Variants in ATP8B4 observed in about 807,000 individuals in gnomAD.
The protein encoded by ATP8B4 is ATPase phospholipid transporting 8B4 (putative).
Under a neutral mutation model 145.6 loss-of-function variants are expected in ATP8B4, and 133 were observed. The ratio of observed to expected loss-of-function variants is 0.91; its 90% CI spans 0.79 to 1.05. The LOEUF is 1.05. ATP8B4 is among the 50% of genes least tolerant of loss of function. The pLI is 0.00. For missense variants in ATP8B4, 1,458 were observed against 1,425.2 expected (o/e 1.02, Z -0.37); for synonymous variants, 507 against 492.9 (o/e 1.03, Z -0.38).
chr15:49,875,316 G>T (rs190797899), intron 25 of ATP8B4, among the ~76,000 whole-genome samples: 1 of 152,288 alleles, frequency 6.6e-6, no homozygotes, highest in African/African-American at 2.4e-5. Flanking sequence ...CGAGGAACAG[G>T]TCTGAGCCAG....
chr15:50,024,432 T>A (rs533056371), intron 6 of ATP8B4, among the ~76,000 whole-genome samples: 2 of 152,316 alleles, frequency 1.3e-5, no homozygotes, highest in Admixed American at 6.5e-5. Flanking sequence ...GTGCTCCACA[T>A]GTGATTTCTC....
chr15:50,063,092 A>T (rs1210419814), intron 3 of ATP8B4, among the ~76,000 whole-genome samples: 1 of 152,116 alleles, frequency 6.6e-6, no homozygotes, highest in Non-Finnish European at 1.5e-5. Context: ...CTTTAAAAAA[A>T]AAAAAAGCCT....
intron 14 of ATP8B4, among the ~76,000 whole-genome samples, chr15:49,936,622 T>C (rs2041754558): frequency 6.6e-6 from 1 of 152,174 alleles, no homozygotes; most frequent in Non-Finnish European, 1.5e-5. Context: ...GGTATTGATC[T>C]TATTTCATTC....
At chr15:50,083,708 A>G (rs2054707601) in intron 2 of ATP8B4, among the ~76,000 whole-genome samples, 1 of 152,226 alleles carries the variant, frequency 6.6e-6, no homozygotes, top group Non-Finnish European at 1.5e-5. Flanking sequence ...AAGATGCATG[A>G]AGCTATAAAC....
Position 49,879,371 on chromosome 15 carries a change from C to T in ATP8B4, c.2781+5G>A. The T allele has an allele frequency of 6.2e-7, 1 of 1,604,034 alleles. No homozygotes were observed. The highest frequency in any genetic ancestry group is 8.5e-7 in the Non-Finnish European group (1 of 1,174,350). On this transcript the variant is annotated splice_donor_5th_base_variant and intron_variant, in intron 24 of 27. Coordinates refer to ENST00000284509, the MANE Select transcript of ATP8B4 (RefSeq NM_024837.4). ...CTAAGTTATAAAGATGGAAAAAAAA[C>T]ATACCTGGTCAAAAATCCCCATGGC...
chr15:49,869,740 G>A (rs999846366), intron 25 of ATP8B4, among the ~76,000 whole-genome samples: 33 of 152,122 alleles, frequency 2.2e-4, no homozygotes, highest in Admixed American at 1.3e-4. Context: ...TTGGCAACCC[G>A]TCCCCAGGGT....
chr15:50,071,887 G>A (rs2053760498), intron 3 of ATP8B4, among the ~76,000 whole-genome samples: 1 of 152,154 alleles, frequency 6.6e-6, no homozygotes, highest in Admixed American at 6.5e-5. Flanking sequence ...GTTCTACAAT[G>A]AGAAATCTGT....
intron 12 of ATP8B4, among the ~76,000 whole-genome samples, chr15:49,974,531 CTT>C (rs1183779075): frequency 6.6e-6 from 1 of 151,802 alleles, no homozygotes; most frequent in East Asian, 1.9e-4. Flanking sequence ...GGCTGATTGT[CTT>C]TTCATTTTGT....
intron 1 of ATP8B4, among the ~76,000 whole-genome samples, chr15:50,160,982 A>G (rs1022539094): frequency 8.5e-5 from 13 of 152,238 alleles, no homozygotes; most frequent in Middle Eastern, 3.4e-3. Flanking sequence ...GAAGTCTCCA[A>G]CTATGATTGT....
At chr15:50,165,538 T>G (rs6493413) in intron 1 of ATP8B4, among the ~76,000 whole-genome samples, 1 of 151,684 alleles carries the variant, frequency 6.6e-6, no homozygotes, top group Admixed American at 6.6e-5. Flanking sequence ...CTCCTCCCCC[T>G]AAATAAAAAA....
chr15:50,093,740 A>G (rs1306555349), intron 2 of ATP8B4, among the ~76,000 whole-genome samples: 3 of 152,144 alleles, frequency 2.0e-5, no homozygotes, highest in African/African-American at 7.2e-5. Context: ...TTAAAACTCT[A>G]TATGCAGCAT....
At chr15:50,036,071 C>T (rs536872769) in intron 6 of ATP8B4, among the ~76,000 whole-genome samples, 2 of 152,312 alleles carry the variant, frequency 1.3e-5, no homozygotes, top group East Asian at 3.9e-4. Context: ...AATATTTTCT[C>T]TTAATATTGC....
In ATP8B4 at chr15:49,895,285, G is replaced by C. The variant is rs1376709469; in HGVS notation, c.2697+2007C>G. 2.0e-5 allele frequency: 3 copies of C among 152,258 alleles called. No homozygotes were observed. The East Asian group carries it at 5.8e-4, about 29-fold the overall frequency. The allele number at this position is 152,258 out of a possible 1,614,324, so 9.4% of individuals were successfully genotyped here. A position where few individuals can be genotyped will look rare whatever the true frequency, so the allele number is the denominator to read the frequency against. The stretch of plus-strand genomic sequence containing the variant: ...AAGCAGAACTTGGGATACTCTTCTA[G>C]GTTTTCTAGCCCAGTGGTTCTCAAA... On this transcript the variant is annotated intron_variant, in intron 23 of 27. Coordinates refer to ENST00000284509, the MANE Select transcript of ATP8B4 (RefSeq NM_024837.4).
intron 13 of ATP8B4, among the ~76,000 whole-genome samples, chr15:49,967,965 A>G (rs2044708000): frequency 6.6e-6 from 1 of 152,246 alleles, no homozygotes; most frequent in South Asian, 2.1e-4. Flanking sequence ...GTGAGGGTCA[A>G]TATTCAACAG....
intron 1 of ATP8B4, among the ~76,000 whole-genome samples, chr15:50,169,605 A>G (rs930123549): frequency 6.6e-6 from 1 of 152,236 alleles, no homozygotes; most frequent in Non-Finnish European, 1.5e-5. Context: ...CCCTGGTAAT[A>G]TGACAAACCA....
chr15:50,160,816 C>T (rs1489655568), intron 1 of ATP8B4, among the ~76,000 whole-genome samples: 1 of 151,874 alleles, frequency 6.6e-6, no homozygotes, highest in Non-Finnish European at 1.5e-5. Flanking sequence ...GAGAATGATC[C>T]ATGTGCTAAG....
intron 20 of ATP8B4, among the ~76,000 whole-genome samples, chr15:49,907,877 G>A (rs2038792317): frequency 6.6e-6 from 1 of 152,152 alleles, no homozygotes; most frequent in African/African-American, 2.4e-5. Context: ...CTCAAGTGAA[G>A]CAGTAAGATA....
intron 14 of ATP8B4, among the ~76,000 whole-genome samples, chr15:49,950,607 C>CAAA (rs1489232447): frequency 1.0e-5 from 1 of 96,454 alleles, no homozygotes; most frequent in Non-Finnish European, 2.1e-5. Context: ...AAAAAACAAA[C>CAAA]AAACAAACAA....
At chr15:49,886,998 C>A (rs768899885) in intron 23 of ATP8B4, among the ~76,000 whole-genome samples, 1 of 151,918 alleles carries the variant, frequency 6.6e-6, no homozygotes, top group East Asian at 1.9e-4. Flanking sequence ...TTAGTATAGA[C>A]GGGGTTTTGC....
Sources: gnomAD v4.1 joint callset for allele counts (sites outside exome capture counted in the v4.1 genomes callset) on GRCh38, gnomAD v4.1.1 for gene constraint, MANE v1.5 for transcripts, NCBI Gene and HGNC (gene_info 2026-07-23, HGNC 2026-07-21) for gene names.